Variants in DYM observed in about 807,000 individuals in gnomAD.
The protein encoded by DYM is dyggve-Melchior-Clausen syndrome protein.
Under a neutral mutation model 93.1 loss-of-function variants are expected in DYM, and 78 were observed. The ratio of observed to expected loss-of-function variants is 0.84; its 90% confidence interval spans 0.70 to 1.01. The LOEUF (loss-of-function observed/expected upper bound fraction) is 1.01, where lower values mean the gene tolerates loss of function less well. Among genes scored for constraint, DYM ranks in the 50% least tolerant of loss-of-function variants. The pLI, the probability that DYM is intolerant of heterozygous loss-of-function variation, is 0.00. For missense variants in DYM, 789 were observed against 845.0 expected (o/e 0.93, Z 0.82); for synonymous variants, 321 against 319.7 (o/e 1.00, Z -0.04).
In DYM at chr18:49,345,187, A is replaced by G. The variant is rs146903276; in HGVS notation, c.495-11334T>C. On this transcript the variant is annotated intron_variant, in intron 6 of 17. Transcript: ENST00000675505. ...TTGCATGTGCTTCAAAGTTTGTGCC[A>G]GTTGTTATAATTTCCCACCAAAGAG... Among the ~76,000 whole-genome samples the G allele has an allele frequency of 5.9e-3, 894 of 152,236 alleles. 6 individuals carry two copies. The highest frequency in any genetic ancestry group is 0.021 in the African/African-American group (866 of 41,544).
chr18:49,277,462 T>C (rs2094873285), intron 10 of DYM, among the ~76,000 whole-genome samples: 1 of 152,114 alleles, frequency 6.6e-6, no homozygotes, highest in Non-Finnish European at 1.5e-5. Context: ...TGTTTGTAGA[T>C]ATACGAACTG....
chr18:49,098,485 G>A (rs541828536), intron 16 of DYM, among the ~76,000 whole-genome samples: 11 of 152,166 alleles, frequency 7.2e-5, no homozygotes, highest in Non-Finnish European at 1.6e-4. Flanking sequence ...GCCACTAAAT[G>A]CATTTGTTCT....
At chr18:49,323,935 C>T (rs1453817034) in intron 8 of DYM, among the ~76,000 whole-genome samples, 8 of 152,122 alleles carry the variant, frequency 5.3e-5, no homozygotes, top group Admixed American at 4.6e-4. Context: ...GTCAGGAGTT[C>T]AAGACCAGCC....
chr18:49,294,656 T>C (rs1479996983), intron 8 of DYM, among the ~76,000 whole-genome samples: 1 of 152,174 alleles, frequency 6.6e-6, no homozygotes, highest in Non-Finnish European at 1.5e-5. Context: ...AAATGCTTGA[T>C]AAATTTATCA....
intron 13 of DYM, among the ~76,000 whole-genome samples, chr18:49,222,575 G>C (rs528136248): frequency 6.6e-5 from 10 of 152,034 alleles, no homozygotes; most frequent in Admixed American, 6.6e-4. Context: ...AAACCAAAAA[G>C]AATAACTGCT....
At chr18:49,282,972 T>A (rs762028739) in intron 9 of DYM, among the ~76,000 whole-genome samples, 2 of 152,232 alleles carry the variant, frequency 1.3e-5, no homozygotes, top group Non-Finnish European at 2.9e-5. Flanking sequence ...AAAATCAGTA[T>A]AGACGTTCCT....
chr18:49,344,681 G>C (rs1366870339), intron 6 of DYM, among the ~76,000 whole-genome samples: 5 of 151,190 alleles, frequency 3.3e-5, no homozygotes, highest in African/African-American at 1.2e-4. Context: ...ACATATAGTA[G>C]GACAACTGTA....
chr18:49,312,120 A>G (rs2061633259), intron 8 of DYM, among the ~76,000 whole-genome samples: 1 of 152,182 alleles, frequency 6.6e-6, no homozygotes, highest in Admixed American at 6.5e-5. Context: ...GTGTGACTGT[A>G]TAACTGAGGG....
At chr18:49,127,246 T>G (rs921213835) in intron 15 of DYM, among the ~76,000 whole-genome samples, 1 of 152,124 alleles carries the variant, frequency 6.6e-6, no homozygotes, top group Admixed American at 6.5e-5. Flanking sequence ...AACAAGAAAA[T>G]GATCCCATTT....
intron 17 of DYM, among the ~76,000 whole-genome samples, chr18:49,047,351 T>C (rs1454438124): frequency 6.6e-6 from 1 of 152,214 alleles, no homozygotes; most frequent in African/African-American, 2.4e-5. Context: ...GAAGTCTCAG[T>C]GTCTGCTGAT....
At chr18:49,072,515 C>T (rs962503138) in intron 17 of DYM, among the ~76,000 whole-genome samples, 1 of 152,234 alleles carries the variant, frequency 6.6e-6, no homozygotes, top group Non-Finnish European at 1.5e-5. Flanking sequence ...GACTGTGGTT[C>T]CCACAAAGAC....
At chr18:49,209,508 A>G in intron 14 of DYM, 43 bp downstream of exon 14, 7 of 1,244,608 alleles carry the variant, frequency 5.6e-6, no homozygotes, top group Non-Finnish European at 7.3e-6. Flanking sequence ...TCAGTCATAT[A>G]CAACATGCAG....
At chr18:49,404,674 T>C (rs910215302) in intron 2 of DYM, among the ~76,000 whole-genome samples, 1 of 152,224 alleles carries the variant, frequency 6.6e-6, no homozygotes, top group Admixed American at 6.5e-5. Context: ...TGATTAATGA[T>C]GTGGAGCACT....
At chr18:49,456,456 CAAAGA>C (rs1206189199) in intron 1 of DYM, among the ~76,000 whole-genome samples, 1 of 152,024 alleles carries the variant, frequency 6.6e-6, no homozygotes, top group East Asian at 1.9e-4. Context: ...CTCAACCTAA[CAAAGA>C]AATTTGTCAT....
intron 15 of DYM, among the ~76,000 whole-genome samples, chr18:49,137,213 G>A (rs2083946309): frequency 1.3e-5 from 2 of 152,124 alleles, no homozygotes; most frequent in South Asian, 4.1e-4. Context: ...CTTCATCATG[G>A]TGGTGCCATG....
chr18:49,130,127 G>A (rs1471468799), intron 15 of DYM, among the ~76,000 whole-genome samples: 2 of 152,084 alleles, frequency 1.3e-5, no homozygotes, highest in East Asian at 1.9e-4. Context: ...GTGCACACAG[G>A]GACTCTCCAG....
intron 17 of DYM, among the ~76,000 whole-genome samples, chr18:49,073,743 G>A (rs2077081322): frequency 6.6e-6 from 1 of 152,132 alleles, no homozygotes; most frequent in Non-Finnish European, 1.5e-5. Flanking sequence ...AACAAGGAAT[G>A]GGGGAATGCC....
chr18:49,321,301 T>C (rs2062465202), intron 8 of DYM: 2 of 398,146 alleles, frequency 5.0e-6, no homozygotes, highest in East Asian at 7.2e-5. Context: ...TATTCTATAT[T>C]CCTCCTTGTA....
At chr18:49,142,421 C>T (rs2084623313) in intron 15 of DYM, among the ~76,000 whole-genome samples, 1 of 152,124 alleles carries the variant, frequency 6.6e-6, no homozygotes, top group African/African-American at 2.4e-5. Flanking sequence ...GGTGGGGAAA[C>T]TGAAGCTTGG....
Sources: gnomAD v4.1 joint callset for allele counts (sites outside exome capture counted in the v4.1 genomes callset) on GRCh38, gnomAD v4.1.1 for gene constraint, MANE v1.5 for transcripts, NCBI Gene and HGNC (gene_info 2026-07-23, HGNC 2026-07-21) for gene names.